The following TSHZ3 variants were observed in gnomAD, a reference collection of about 807,000 sequenced individuals.
The protein encoded by TSHZ3 is teashirt zinc finger homeobox 3.
In TSHZ3, 10 loss-of-function variants were observed where a neutral mutation model predicts 64.5. The ratio of observed to expected loss-of-function variants is 0.16; its 90% CI spans 0.10 to 0.26. TSHZ3 has a LOEUF of 0.26. Ranked by LOEUF, TSHZ3 falls within the 10% of genes least tolerant of loss-of-function variation. The pLI, the probability that TSHZ3 is intolerant of heterozygous loss-of-function variation, is 1.00. For missense variants in TSHZ3, 1,242 were observed against 1,421.7 expected (o/e 0.87, Z 2.03); for synonymous variants, 608 against 593.1 (o/e 1.03, Z -0.36).
chr19:31,164,790 G>A (rs761077022), intron 5 of TSHZ3, among the ~76,000 whole-genome samples: 3 of 152,184 alleles, frequency 2.0e-5, no homozygotes, highest in African/African-American at 4.8e-5. Flanking sequence ...TCCCCCCTTT[G>A]TGGCTGCTGC....
intron 4 of TSHZ3, among the ~76,000 whole-genome samples, chr19:31,207,294 A>C (rs1326564204): frequency 6.6e-6 from 1 of 152,234 alleles, no homozygotes; most frequent in Non-Finnish European, 1.5e-5. Flanking sequence ...TTATATTTCC[A>C]AATCCATTTC....
intron 1 of TSHZ3, among the ~76,000 whole-genome samples, chr19:31,290,753 A>G (rs562330146): frequency 6.6e-6 from 1 of 151,990 alleles, no homozygotes; most frequent in Non-Finnish European, 1.5e-5. Context: ...AAACCAGGGG[A>G]ATACCCAAGG....
intron 3 of TSHZ3, among the ~76,000 whole-genome samples, chr19:31,235,789 C>A (rs553396474): frequency 6.8e-6 from 1 of 147,148 alleles, no homozygotes; most frequent in Non-Finnish European, 1.5e-5. Flanking sequence ...CTACTCACTG[C>A]AACCACGGCC....
chr19:31,203,900 G>C (rs920903888), intron 5 of TSHZ3, among the ~76,000 whole-genome samples: 7 of 151,430 alleles, frequency 4.6e-5, no homozygotes, highest in Non-Finnish European at 5.9e-5. Context: ...AGCTTCCCAA[G>C]ACTGGGTAAT....
At chr19:31,347,191 TAAA>T (rs5827764) in intron 1 of TSHZ3, among the ~76,000 whole-genome samples, 7 of 143,728 alleles carry the variant, frequency 4.9e-5, no homozygotes, top group African/African-American at 7.7e-5. Flanking sequence ...TGGCTTTCTT[TAAA>T]AAAAAAAAAA....
intron 1 of TSHZ3, among the ~76,000 whole-genome samples, chr19:31,296,948 AGTG>A (rs1976672205): frequency 6.6e-6 from 1 of 152,224 alleles, no homozygotes; most frequent in African/African-American, 2.4e-5. Context: ...TGTCACCCAC[AGTG>A]ACAACAAACT....
intron 1 of TSHZ3, among the ~76,000 whole-genome samples, chr19:31,288,089 C>T (rs1976496301): frequency 6.6e-6 from 1 of 152,064 alleles, no homozygotes; most frequent in Non-Finnish European, 1.5e-5. Flanking sequence ...CACTAGATAC[C>T]TCGCCAGGAT....
chr19:31,235,293 C>T (rs1275729132), intron 3 of TSHZ3, among the ~76,000 whole-genome samples: 2 of 152,180 alleles, frequency 1.3e-5, no homozygotes, highest in African/African-American at 4.8e-5. Flanking sequence ...CTCTCCAGGA[C>T]TTATGTATCC....
chr19:31,331,444 A>G (rs1330186704), intron 1 of TSHZ3, among the ~76,000 whole-genome samples: 1 of 151,968 alleles, frequency 6.6e-6, no homozygotes, highest in East Asian at 1.9e-4. Flanking sequence ...CTGTTGTTTA[A>G]TTAATCTGCA....
intron 5 of TSHZ3, among the ~76,000 whole-genome samples, chr19:31,164,554 A>C (rs1739167456): frequency 6.6e-6 from 1 of 152,180 alleles, no homozygotes. Flanking sequence ...ATGAAGGAGC[A>C]CTGTGCTAGG....
intron 5 of TSHZ3, among the ~76,000 whole-genome samples, chr19:31,179,836 G>A (rs1974682830): frequency 1.3e-5 from 2 of 151,780 alleles, no homozygotes; most frequent in South Asian, 2.1e-4. Context: ...GGAGGTGGTG[G>A]TGGTGGTGGT....
intron 1 of TSHZ3, among the ~76,000 whole-genome samples, chr19:31,285,235 T>C (rs1976435561): frequency 1.3e-5 from 2 of 152,036 alleles, no homozygotes; most frequent in African/African-American, 4.8e-5. Flanking sequence ...AATCCCAGCA[T>C]TTGGGAGGCC....
At chr19:31,198,814 G>A (rs1975030477) in intron 5 of TSHZ3, among the ~76,000 whole-genome samples, 1 of 152,142 alleles carries the variant, frequency 6.6e-6, no homozygotes, top group South Asian at 2.1e-4. Context: ...CATATTCATG[G>A]ATAGAAAGAT....
intron 1 of TSHZ3, among the ~76,000 whole-genome samples, chr19:31,303,881 T>A (rs950744337): frequency 1.3e-5 from 2 of 152,132 alleles, no homozygotes; most frequent in Non-Finnish European, 2.9e-5. Flanking sequence ...GTGACATGGA[T>A]CCTGACTAGG....
At chr19:31,341,630 GAC>G (rs57786287) in intron 1 of TSHZ3, among the ~76,000 whole-genome samples, 18,068 of 137,772 alleles carry the variant, frequency 0.13, 1,289 homozygotes, top group East Asian at 0.28. Flanking sequence ...CTCTCTCTCT[GAC>G]ACACACACAC....
In TSHZ3 at chr19:31,277,882, C is replaced by T. The variant is rs764638246; in HGVS notation, c.1911G>A (p.Pro637=). The T allele has an allele frequency of 2.4e-5, 39 of 1,610,198 alleles. No homozygotes were observed. The highest frequency in any genetic ancestry group is 1.3e-4 in the South Asian group (12 of 90,210). The change falls in exon 2 of 2, where the codon CCG becomes CCA. Residue 637 remains proline (P), a synonymous_variant. Coordinates refer to ENST00000240587, the MANE Select transcript of TSHZ3 (RefSeq NM_020856.4). The surrounding 1 kb of genome is among the most constrained non-coding windows in gnomAD (Gnocchi z 4.5). ...KMKEPDGKLS[P]PKRATPSPCS... ...ATGGGGAGGGAGTGGCCCGCTTGGG[C>T]GGGGAAAGCTTCCCATCCGGCTCCT...
At chr19:31,230,595 G>C (rs1975525998) in intron 3 of TSHZ3, among the ~76,000 whole-genome samples, 1 of 151,286 alleles carries the variant, frequency 6.6e-6, no homozygotes, top group Admixed American at 6.6e-5. Context: ...AAAGTGGTCA[G>C]ACCTAAATGC....
chr19:31,246,727 G>A lies in TSHZ3; in HGVS notation n.64-3852C>T, dbSNP rs1363515179. Among the ~76,000 whole-genome samples the A allele has an allele frequency of 2.0e-5, 3 of 152,266 alleles. No individual in the cohort carries two copies. The South Asian group carries it at 6.2e-4, about 32-fold the overall frequency. On this transcript the variant is annotated intron_variant and non_coding_transcript_variant, in intron 1 of 6. Transcript: ENST00000651361. ...AGCAATGGAACTCCAATAGCAACGA[G>A]CATACTTAGCATGGAGGCGTTTCTT...
At position 31,277,109 on chromosome 19, in the gene TSHZ3, T is replaced by TGGC; in HGVS notation, c.2681_2683dup (p.Arg894dup). On this transcript the variant is annotated inframe_insertion, in exon 2 of 2. Coordinates refer to ENST00000240587, the MANE Select transcript of TSHZ3 (RefSeq NM_020856.4). The surrounding 1 kb of genome is among the most constrained non-coding windows in gnomAD (Gnocchi z 4.5). ...GAGGTGCTGGGGGTTCCAGTTTGAC[T>TGGC]GGCGGCCCTTCCTCTTCTGGGCGGG... The TGGC allele has an allele frequency of 6.2e-7, 1 of 1,603,546 alleles. No homozygotes were observed. The highest frequency in any genetic ancestry group is 1.3e-5 in the African/African-American group (1 of 74,700).
Sources: gnomAD v4.1 joint callset for allele counts (sites outside exome capture counted in the v4.1 genomes callset) on GRCh38, gnomAD v4.1.1 for gene constraint, Gnocchi (gnomAD v3.1) non-coding constraint, MANE v1.5 for transcripts, NCBI Gene and HGNC (gene_info 2026-07-23, HGNC 2026-07-21) for gene names.